TRPA1: variants seen among roughly 807,000 people sequenced by gnomAD.
TRPA1 encodes transient receptor potential cation channel subfamily A member 1, also known as ankyrin-like with transmembrane domains 1.
Under a neutral mutation model 131.3 loss-of-function variants are expected in TRPA1, and 129 were observed. The ratio of observed to expected loss-of-function variants is 0.98; its 90% CI spans 0.85 to 1.14. The LOEUF (loss-of-function observed/expected upper bound fraction) is 1.14, where lower values mean the gene tolerates loss of function less well. Ranked by LOEUF, TRPA1 falls within the 50% of genes most tolerant of loss-of-function variation. The probability of loss-of-function intolerance (pLI) is 0.00; values close to 1 mark genes in which losing one functional copy is unlikely to be tolerated. For synonymous variants in TRPA1, 441 were observed against 451.7 expected, an observed-to-expected ratio of 0.98 and a Z score of 0.30; for missense variants, 1,304 against 1,354.2, an observed-to-expected ratio of 0.96 and a Z score of 0.58.
rs545690716 is a variant in TRPA1 at position 72,047,256 on chromosome 8, T to G, written c.1906-49A>C. The G allele has an allele frequency of 5.3e-6, 7 of 1,332,338 alleles. No homozygotes were observed. The African/African-American group carries it at 8.7e-5, about 16-fold the overall frequency. The allele number at this position is 1,332,338 out of a possible 1,614,324, so 82.5% of individuals were successfully genotyped here. A position where few individuals can be genotyped will look rare whatever the true frequency, so the allele number is the denominator to read the frequency against. Reference sequence around the variant, plus strand: ...AGATATTGGGGCAGTACACTACATATTAGGAAAGATTTTATCCTATTTCTG... The same window carrying G: ...AGATATTGGGGCAGTACACTACATAGTAGGAAAGATTTTATCCTATTTCTG... On this transcript the variant is annotated intron_variant, in intron 15 of 26. Coordinates refer to ENST00000262209, the MANE Select transcript of TRPA1 (RefSeq NM_007332.3).
upstream of TRPA1, among the ~76,000 whole-genome samples, chr8:72,076,350 C>A (rs1315505856): frequency 6.6e-6 from 1 of 151,956 alleles, no homozygotes; most frequent in Non-Finnish European, 1.5e-5. Flanking sequence ...GTGTCTCAAT[C>A]GAAGAGGCTG....
Position 72,025,974 on chromosome 8 carries a change from C to G in TRPA1, c.3037G>C (p.Gly1013Arg). 1 of 1,613,706 alleles carries G rather than the reference C, an allele frequency of 6.2e-7. No homozygotes were observed. The highest frequency in any genetic ancestry group is 8.5e-7 in the Non-Finnish European group (1 of 1,179,730). ...TGTGTACTTACGAATAACATCCCAC[C>G]AGATCTGGGTTTGTTGGGATACACG... ...TIVYPNKPRS[G>R]GMLFHIFCFL... Residue 1013 changes from glycine to arginine, a missense_variant, in exon 25 of 27, where the codon GGT (glycine) becomes CGT (arginine). By Grantham distance (125) the Gly-to-Arg change is moderately radical. Transcript: ENST00000262209.
At chr8:72,078,809 G>A (rs745365378), upstream of TRPA1, among the ~76,000 whole-genome samples, 5 of 152,006 alleles carry the variant, frequency 3.3e-5, no homozygotes, top group Non-Finnish European at 7.4e-5. Flanking sequence ...ATAAGTATGT[G>A]TTTAGCTTTG....
At chr8:72,073,495 A>T (rs6993348) in intron 1 of TRPA1, among the ~76,000 whole-genome samples, 5 of 152,036 alleles carry the variant, frequency 3.3e-5, no homozygotes, top group Admixed American at 6.6e-5. Flanking sequence ...AACCCTTCAT[A>T]GTGTTATATA....
chr8:72,074,855 C>G (rs1337698927), intron 1 of TRPA1, among the ~76,000 whole-genome samples: 1 of 152,188 alleles, frequency 6.6e-6, no homozygotes, highest in African/African-American at 2.4e-5. Flanking sequence ...ATCTGTTTCA[C>G]TCTGTTAGAC....
the TRPA1 span, among the ~76,000 whole-genome samples, chr8:72,088,210 C>T: frequency 6.6e-6 from 1 of 152,202 alleles, no homozygotes; most frequent in Non-Finnish European, 1.5e-5. Flanking sequence ...TCACAGCATT[C>T]TTTTGCCTAT....
At chr8:72,053,553 A>G (rs1805581987) in intron 13 of TRPA1, 200 bp downstream of exon 13, 1 of 597,520 alleles carries the variant, frequency 1.7e-6, no homozygotes, top group Admixed American at 2.5e-5. Flanking sequence ...TTTCCCCAAC[A>G]TTCACCCACC....
intron 1 of TRPA1, 69 bp from the exon 2 acceptor site, chr8:72,071,936 G>T (rs899702844): frequency 1.4e-6 from 2 of 1,417,600 alleles, no homozygotes; most frequent in African/African-American, 1.4e-5. Flanking sequence ...TCATTTTATA[G>T]CCTGAAAGAA....
chr8:72,064,155 T>C (rs540708607), intron 4 of TRPA1, among the ~76,000 whole-genome samples: 1 of 151,962 alleles, frequency 6.6e-6, no homozygotes, highest in Admixed American at 6.6e-5. Context: ...CAAGAAATTA[T>C]TGTGAAAAAG....
In TRPA1 at chr8:72,050,750, G is replaced by T. The variant is rs2120474; in HGVS notation, c.1905+28C>A. 10 of 1,432,472 alleles carry T rather than the reference G, an allele frequency of 7.0e-6. No individual in the cohort carries two copies. In the African/African-American group the frequency reaches 1.1e-4, roughly 16 times the overall value. 88.7% of individuals were successfully genotyped at this position (1,432,472 alleles called of 1,614,324 possible). A position where few individuals can be genotyped will look rare whatever the true frequency, so the allele number is the denominator to read the frequency against. ...AACAACATATGTCAAGCATAAACCC[G>T]GGAAGAATTTTGTTTTAGAGAATTT... On this transcript the variant is annotated intron_variant, in intron 15 of 26. Coordinates refer to ENST00000262209, the MANE Select transcript of TRPA1 (RefSeq NM_007332.3).
intron 17 of TRPA1, among the ~76,000 whole-genome samples, chr8:72,042,681 A>T (rs555429566): frequency 6.6e-6 from 1 of 152,072 alleles, no homozygotes; most frequent in African/African-American, 2.4e-5. Context: ...AGACAAACAG[A>T]TAAGGAAAAT....
At position 72,069,078 on chromosome 8, in the gene TRPA1, T is replaced by C; in HGVS notation, c.389A>G (p.Asn130Ser). The change falls in exon 3 of 27, where the codon AAC becomes AGC. Residue 130 changes from asparagine to serine, a missense_variant. Asn to Ser is a conservative substitution (Grantham distance 46, BLOSUM62 1). Coordinates refer to ENST00000262209, the MANE Select transcript of TRPA1 (RefSeq NM_007332.3). ...AGCTATGTGGAGAGGAGCCATCATG[T>C]TGAAGTTTCGGAGATTTGGGTTTGC... ...RGANPNLRNF[N>S]MMAPLHIAVQ... The C allele has an allele frequency of 6.2e-7, 1 of 1,614,244 alleles. No homozygotes were observed. The highest frequency in any genetic ancestry group is 8.5e-7 in the Non-Finnish European group (1 of 1,180,044).
intron 12 of TRPA1, 94 bp from the exon 13 acceptor site, chr8:72,053,961 C>A: frequency 1.2e-6 from 1 of 806,840 alleles, no homozygotes; most frequent in South Asian, 1.5e-5. Context: ...AATCTGATGA[C>A]AACAAAAAGC....
chr8:72,044,826 T>A (rs962707610), intron 17 of TRPA1, among the ~76,000 whole-genome samples: 2 of 152,020 alleles, frequency 1.3e-5, no homozygotes, highest in Non-Finnish European at 2.9e-5. Flanking sequence ...TATTAAGGCA[T>A]TGCAGAATCA....
chr8:72,063,718 G>T (rs2129436235), intron 4 of TRPA1, 147 bp from the exon 5 acceptor site: 1 of 628,604 alleles, frequency 1.6e-6, no homozygotes, highest in East Asian at 2.9e-5. Context: ...ATGAAATCTA[G>T]GCAAGAAGGT....
upstream of TRPA1, chr8:72,076,611 A>T (rs1806191281): frequency 6.6e-6 from 1 of 152,332 alleles, no homozygotes; most frequent in Admixed American, 6.5e-5. Context: ...GAACTGGCAT[A>T]GGTGCACTCA....
chr8:72,038,802 A>T, intron 19 of TRPA1, 63 bp downstream of exon 19: 1 of 1,388,694 alleles, frequency 7.2e-7, no homozygotes, highest in Non-Finnish European at 1.0e-6. Flanking sequence ...TGGGTTTAGT[A>T]GTCTTAAGAA....
At chr8:72,067,444 A>G (rs1053261569) in intron 3 of TRPA1, among the ~76,000 whole-genome samples, 2 of 152,126 alleles carry the variant, frequency 1.3e-5, no homozygotes, top group African/African-American at 4.8e-5. Flanking sequence ...TCACCAGGAA[A>G]ATTTGTTTTA....
chr8:72,052,441 A>T (rs1805532269), intron 14 of TRPA1, 158 bp downstream of exon 14: 4 of 812,092 alleles, frequency 4.9e-6, no homozygotes, highest in Non-Finnish European at 7.4e-6. Context: ...AAATAAAAAT[A>T]AAAAATAAAA....
Sources: allele counts gnomAD v4.1 joint callset (sites outside exome capture counted in the v4.1 genomes callset), GRCh38; gene constraint gnomAD v4.1.1; transcripts MANE v1.5; gene names NCBI Gene and HGNC (gene_info 2026-07-23, HGNC 2026-07-21).